Variants in SLC35F1 observed in about 807,000 individuals in gnomAD.
SLC35F1 encodes solute carrier family 35 member F1, also known as chromosome 6 open reading frame 169.
Under a neutral mutation model 48.7 loss-of-function variants are expected in SLC35F1, and 14 were observed. The observed-to-expected ratio is 0.29, with a 90% CI of 0.19 to 0.45. The LOEUF (loss-of-function observed/expected upper bound fraction) is 0.45. Ranked by LOEUF, SLC35F1 falls within the 20% of genes least tolerant of loss-of-function variation. The pLI is 1.00. For synonymous variants in SLC35F1, 190 were observed against 202.2 expected (o/e 0.94, Z 0.51); for missense variants, 404 against 500.0 (o/e 0.81, Z 1.83).
At chr6:118,001,858 T>C (rs1169305373) in intron 1 of SLC35F1, among the ~76,000 whole-genome samples, 1 of 151,644 alleles carries the variant, frequency 6.6e-6, no homozygotes, top group African/African-American at 2.4e-5. Flanking sequence ...AAATGCTCAC[T>C]ATCACTGGCC....
At chr6:117,984,945 A>G (rs1455249433) in intron 1 of SLC35F1, among the ~76,000 whole-genome samples, 3 of 152,092 alleles carry the variant, frequency 2.0e-5, no homozygotes, top group Non-Finnish European at 2.9e-5. Context: ...TAACAACTCA[A>G]TTTGTTTCTA....
chr6:118,188,009 G>C (rs1031083750), intron 2 of SLC35F1, among the ~76,000 whole-genome samples: 1 of 152,186 alleles, frequency 6.6e-6, no homozygotes, highest in African/African-American at 2.4e-5. Context: ...GAATGTGATT[G>C]CTTCATTATG....
chr6:117,976,494 CCT>C (rs1423439537), intron 1 of SLC35F1, among the ~76,000 whole-genome samples: 2 of 140,424 alleles, frequency 1.4e-5, no homozygotes, highest in Non-Finnish European at 3.1e-5. Context: ...CAGTTTAATT[CCT>C]GTTTATTTTT....
chr6:118,126,078 T>C (rs140284027), intron 1 of SLC35F1, among the ~76,000 whole-genome samples: 6 of 152,146 alleles, frequency 3.9e-5, no homozygotes, highest in Admixed American at 1.3e-4. Flanking sequence ...GAGATTTACC[T>C]TGAGAAGCAG....
At chr6:117,978,237 T>A (rs1776728976) in intron 1 of SLC35F1, among the ~76,000 whole-genome samples, 1 of 152,186 alleles carries the variant, frequency 6.6e-6, no homozygotes, top group African/African-American at 2.4e-5. Context: ...CTATTTTCTC[T>A]TTGGTTCCAC....
At chr6:118,268,630 G>GTTTT (rs1319585468) in intron 4 of SLC35F1, among the ~76,000 whole-genome samples, 6 of 80,282 alleles carry the variant, frequency 7.5e-5, no homozygotes, top group Non-Finnish European at 1.4e-4. Flanking sequence ...TTTTTTTTGA[G>GTTTT]ACAGAGTCCC....
At position 118,230,770 on chromosome 6, in the gene SLC35F1, G is replaced by A. The variant is rs367712864; in HGVS notation, c.350-4739G>A. On this transcript the variant is annotated intron_variant, in intron 2 of 7. Transcript: ENST00000360388. ...AGGCCAAGGCGGGTGGATTCTTTGA[G>A]CCCAGGAGTTCAAGACCACCTGGGC... is the stretch of plus-strand genomic sequence containing the variant. Among the ~76,000 whole-genome samples, 54 of 152,220 alleles carry A rather than the reference G, an allele frequency of 3.5e-4. No individual in the cohort carries two copies. In the South Asian group the frequency reaches 0.011, roughly 31 times the overall value.
rs1321483479 is a variant in SLC35F1 at position 117,997,156 on chromosome 6, C to T, written c.173+89257C>T. ...AAGCCTCAGCAGCTGATGCGATCAA[C>T]TGGAAGAAAGGGTATCAGTGATGGA... On this transcript the variant is annotated intron_variant, in intron 1 of 7. Coordinates refer to ENST00000360388, the MANE Select transcript of SLC35F1 (RefSeq NM_001029858.4). Among the ~76,000 whole-genome samples the T allele has an allele frequency of 3.3e-5, 5 of 152,072 alleles. No homozygotes were observed. The South Asian group carries it at 1.0e-3, about 32-fold the overall frequency.
chr6:118,120,684 C>A (rs1773541168), intron 1 of SLC35F1, among the ~76,000 whole-genome samples: 1 of 152,036 alleles, frequency 6.6e-6, no homozygotes. Context: ...AAAGTAAAGA[C>A]CTGAATGGAC....
At chr6:117,939,136 A>C (rs893768889) in intron 1 of SLC35F1, among the ~76,000 whole-genome samples, 1 of 151,388 alleles carries the variant, frequency 6.6e-6, no homozygotes, top group Non-Finnish European at 1.5e-5. Flanking sequence ...AGTAGCTGTG[A>C]CTACAGGCAC....
chr6:118,042,672 T>G (rs1487259290), intron 1 of SLC35F1, among the ~76,000 whole-genome samples: 1 of 152,076 alleles, frequency 6.6e-6, no homozygotes, highest in African/African-American at 2.4e-5. Flanking sequence ...GGAGAGAAGA[T>G]GAGGGATCAT....
intron 1 of SLC35F1, among the ~76,000 whole-genome samples, chr6:118,116,083 T>A (rs1396475929): frequency 6.6e-6 from 1 of 152,180 alleles, no homozygotes; most frequent in Admixed American, 6.5e-5. Context: ...GGTGCCTTGA[T>A]AAAAGAAGTA....
At chr6:118,042,517 T>C (rs1033058487) in intron 1 of SLC35F1, among the ~76,000 whole-genome samples, 2 of 152,086 alleles carry the variant, frequency 1.3e-5, no homozygotes, top group African/African-American at 2.4e-5. Flanking sequence ...TGAGTAATGG[T>C]GGAAGATCCA....
chr6:118,246,404 A>C (rs1281128527), intron 3 of SLC35F1, among the ~76,000 whole-genome samples: 1 of 152,182 alleles, frequency 6.6e-6, no homozygotes, highest in Non-Finnish European at 1.5e-5. Context: ...TTTTGCTGGA[A>C]GATAGATCAG....
chr6:118,296,921 G>A (rs577549414), intron 7 of SLC35F1, among the ~76,000 whole-genome samples: 1 of 151,802 alleles, frequency 6.6e-6, no homozygotes, highest in Admixed American at 6.6e-5. Context: ...GTGTGGATCC[G>A]TCTTCCATGG....
chr6:118,279,647 C>T (rs1238477320), intron 6 of SLC35F1, among the ~76,000 whole-genome samples: 1 of 152,152 alleles, frequency 6.6e-6, no homozygotes, highest in African/African-American at 2.4e-5. Context: ...GCATAACAGC[C>T]ACTGCAATTC....
intron 2 of SLC35F1, among the ~76,000 whole-genome samples, chr6:118,198,043 G>C (rs184535106): frequency 3.3e-5 from 5 of 152,202 alleles, no homozygotes; most frequent in Admixed American, 3.3e-4. Flanking sequence ...CTGAATGCTT[G>C]TCCCCTGAAA....
intron 1 of SLC35F1, chr6:117,999,480 G>A: frequency 2.0e-6 from 3 of 1,508,084 alleles, no homozygotes; most frequent in Non-Finnish European, 2.7e-6. Flanking sequence ...CAGAAGGACT[G>A]GTGCGACCCC....
chr6:118,282,036 G>A (rs1192520495), intron 6 of SLC35F1, among the ~76,000 whole-genome samples: 1 of 152,186 alleles, frequency 6.6e-6, no homozygotes, highest in Non-Finnish European at 1.5e-5. Context: ...TCTATCCTTA[G>A]TGAGAGAGAG....
Sources: allele counts gnomAD v4.1 joint callset (sites outside exome capture counted in the v4.1 genomes callset), GRCh38; gene constraint gnomAD v4.1.1; transcripts MANE v1.5; gene names NCBI Gene and HGNC (gene_info 2026-07-23, HGNC 2026-07-21).